Variants in NCOA7 observed in about 807,000 individuals in gnomAD.
NCOA7 encodes 140 kDa estrogen receptor-associated protein.
A neutral mutation model predicts 104.3 loss-of-function variants in NCOA7; 45 were observed. The observed-to-expected ratio is 0.43, with a 90% confidence interval of 0.34 to 0.55. The LOEUF is 0.55. Among genes scored for constraint, NCOA7 ranks in the 20% least tolerant of loss-of-function variants. The pLI, the probability that NCOA7 is intolerant of heterozygous loss-of-function variation, is 0.02. For missense variants in NCOA7, 1,041 were observed against 1,119.7 expected (o/e 0.93, Z 1.00); for synonymous variants, 398 against 402.3 (o/e 0.99, Z 0.13).
At chr6:125,897,169 T>C (rs1232161996) in intron 10 of NCOA7, among the ~76,000 whole-genome samples, 1 of 152,232 alleles carries the variant, frequency 6.6e-6, no homozygotes, top group Non-Finnish European at 1.5e-5. Flanking sequence ...TGTATATACC[T>C]GATAGTCCAA....
intron 10 of NCOA7, among the ~76,000 whole-genome samples, chr6:125,909,331 C>G (rs1425714223): frequency 6.6e-6 from 1 of 152,162 alleles, no homozygotes; most frequent in African/African-American, 2.4e-5. Context: ...GTGTCCAGCT[C>G]TAACATTCCA....
chr6:125,789,245 C>T (rs1774623850), upstream of NCOA7, among the ~76,000 whole-genome samples: 1 of 152,174 alleles, frequency 6.6e-6, no homozygotes, highest in Non-Finnish European at 1.5e-5. Flanking sequence ...TGTCAGGAAG[C>T]AGCCAAGTCA....
chr6:125,822,020 T>C (rs1562831571), intron 2 of NCOA7, among the ~76,000 whole-genome samples: 1 of 152,214 alleles, frequency 6.6e-6, no homozygotes, highest in Non-Finnish European at 1.5e-5. Flanking sequence ...CAGCCATCTC[T>C]TTGTGGTGTG....
chr6:125,845,928 C>T (rs574796922), intron 2 of NCOA7, among the ~76,000 whole-genome samples: 16 of 152,200 alleles, frequency 1.1e-4, no homozygotes, highest in Admixed American at 2.0e-4. Context: ...AGTCATGCTG[C>T]AATACTGTTT....
At chr6:125,884,590 T>C (rs1228549314) in intron 7 of NCOA7, among the ~76,000 whole-genome samples, 1 of 152,230 alleles carries the variant, frequency 6.6e-6, no homozygotes, top group Non-Finnish European at 1.5e-5. Context: ...ATAGTTCAGC[T>C]ATATTCACTC....
intron 2 of NCOA7, among the ~76,000 whole-genome samples, chr6:125,832,666 A>G (rs1779286246): frequency 6.6e-6 from 1 of 152,216 alleles, no homozygotes; most frequent in Non-Finnish European, 1.5e-5. Flanking sequence ...GGCCTAGCAT[A>G]CCAAGGATGC....
chr6:125,840,356 T>C (rs1780011006), intron 2 of NCOA7, among the ~76,000 whole-genome samples: 1 of 151,974 alleles, frequency 6.6e-6, no homozygotes, highest in Admixed American at 6.6e-5. Flanking sequence ...TAGTTTATTA[T>C]TGAATGAGGG....
intron 2 of NCOA7, among the ~76,000 whole-genome samples, chr6:125,821,135 C>A (rs1778135331): frequency 6.6e-6 from 1 of 152,050 alleles, no homozygotes; most frequent in Non-Finnish European, 1.5e-5. Flanking sequence ...CTGGGCTGGT[C>A]ATCTTTAGCT....
chr6:125,813,862 G>GT (rs1031218450), intron 1 of NCOA7, among the ~76,000 whole-genome samples: 1 of 151,214 alleles, frequency 6.6e-6, no homozygotes, highest in African/African-American at 2.4e-5. Flanking sequence ...TTATATATAT[G>GT]TTTTTTTAAT....
intron 11 of NCOA7, among the ~76,000 whole-genome samples, chr6:125,916,202 T>C (rs1787062593): frequency 1.3e-5 from 2 of 152,210 alleles, no homozygotes; most frequent in Non-Finnish European, 2.9e-5. Flanking sequence ...TCCGCTACGC[T>C]CGCTCGCTCT....
Position 125,881,188 on chromosome 6 carries a change from A to G in NCOA7, c.558A>G (p.Glu186=). The G allele has an allele frequency of 6.2e-7, 1 of 1,611,226 alleles. No individual in the cohort carries two copies. Among genetic ancestry groups the G allele is most frequent in the Non-Finnish European group, 8.5e-7 (1 of 1,177,418 alleles). The stretch of plus-strand genomic sequence containing the variant: ...TCTCTCCTTCATCATCAGATGCAGA[A>G]TATGATAAATTGCCTGTATGTATAT... ...ATVSPSSSDA[E]YDKLPDADLA... is the part of the protein sequence containing the mutation. The change falls in exon 6 of 16, where the codon GAA becomes GAG. Residue 186 remains glutamate, a synonymous_variant. Transcript: ENST00000392477.
intron 2 of NCOA7, among the ~76,000 whole-genome samples, chr6:125,848,748 T>C (rs1467547417): frequency 6.6e-6 from 1 of 152,136 alleles, no homozygotes; most frequent in African/African-American, 2.4e-5. Flanking sequence ...TGTATACTTA[T>C]GTAACAAACC....
At chr6:125,785,103 C>T (rs1344622878) in intron 1 of NCOA7, among the ~76,000 whole-genome samples, 2 of 152,046 alleles carry the variant, frequency 1.3e-5, no homozygotes, top group Non-Finnish European at 2.9e-5. Context: ...TTTGGGAGGC[C>T]GAGGCAGGTG....
intron 2 of NCOA7, 120 bp downstream of exon 2, chr6:125,815,524 C>T: frequency 1.4e-6 from 1 of 730,904 alleles, no homozygotes; most frequent in South Asian, 1.9e-5. Flanking sequence ...GAGCAGGTAA[C>T]CAGGAGAAGT....
At chr6:125,805,087 CTTTTTT>C (rs59737297) in intron 1 of NCOA7, among the ~76,000 whole-genome samples, 93 of 58,026 alleles carry the variant, frequency 1.6e-3, no homozygotes, top group African/African-American at 5.2e-3. Flanking sequence ...CCCTCTTGTT[CTTTTTT>C]TTTTTTTTTT....
At chr6:125,798,711 C>T (rs1211122813) in intron 1 of NCOA7, among the ~76,000 whole-genome samples, 1 of 152,080 alleles carries the variant, frequency 6.6e-6, no homozygotes, top group African/African-American at 2.4e-5. Context: ...GACAAACTTA[C>T]TTTTTTCTCA....
Position 125,889,093 on chromosome 6 carries a change from C to A in NCOA7, c.1039C>A (p.Pro347Thr). The change falls in exon 9 of 16, where the codon CCA becomes ACA. Residue 347 changes from proline (P) to threonine (T), a missense_variant. This residue lies in a region of NCOA7 where 914 missense variants were observed against 942.7 expected (regional missense o/e 0.97). Transcript: ENST00000392477. Reference sequence around the variant, plus strand: ...GAAAATTATGACTTCGGATTCCAGACCAATAGTACCTTTGGAGAAGTCCAC... The same window carrying A: ...GAAAATTATGACTTCGGATTCCAGAACAATAGTACCTTTGGAGAAGTCCAC... ...GEKIMTSDSR[P>T]IVPLEKSTGH... 2 of 1,614,092 alleles carry A rather than the reference C, an allele frequency of 1.2e-6. No homozygotes were observed.
In NCOA7 at chr6:125,882,448, C is replaced by A; in HGVS notation, c.596C>A (p.Ala199Asp). 1 of 1,613,458 alleles carries A rather than the reference C, an allele frequency of 6.2e-7. No homozygotes were observed. The highest frequency in any genetic ancestry group is 8.5e-7 in the Non-Finnish European group (1 of 1,179,780). Residue 199 changes from alanine to aspartate, a missense_variant, in exon 7 of 16, where the codon GCC becomes GAC. Transcript: ENST00000392477. ...KLPDADLARKALKPIERVLSS... is the reference protein window; with the variant it reads ...KLPDADLARKDLKPIERVLSS... ...AAGGATGCTGACTTAGCACGAAAGG[C>A]CTTGAAACCCATTGAAAGAGTCTTA... is the stretch of plus-strand genomic sequence containing the variant.
chr6:125,782,040 C>A (rs1337027752), intron 1 of NCOA7, among the ~76,000 whole-genome samples: 1 of 152,104 alleles, frequency 6.6e-6, no homozygotes, highest in Non-Finnish European at 1.5e-5. Flanking sequence ...AATGCAGGAT[C>A]CACACTGTAT....
Sources: gnomAD v4.1 joint callset for allele counts (sites outside exome capture counted in the v4.1 genomes callset) on GRCh38, gnomAD v4.1.1 for gene constraint, gnomAD v4.1.1 regional missense constraint, MANE v1.5 for transcripts, NCBI Gene and HGNC (gene_info 2026-07-23, HGNC 2026-07-21) for gene names.